Variants in PPP2R2C observed in about 807,000 individuals in gnomAD.
PPP2R2C encodes the protein protein phosphatase 2 regulatory subunit Bgamma, also known as protein phosphatase 2, regulatory subunit B, gamma.
Under a neutral mutation model 45.3 loss-of-function variants are expected in PPP2R2C, and 10 were observed. The ratio of observed to expected loss-of-function variants is 0.22; its 90% confidence interval spans 0.14 to 0.37. PPP2R2C has a LOEUF of 0.37. Among genes scored for constraint, PPP2R2C ranks in the 10% least tolerant of loss-of-function variants. PPP2R2C has a pLI of 1.00. For synonymous variants in PPP2R2C, 257 were observed against 245.4 expected (o/e 1.05, Z -0.44); for missense variants, 308 against 619.7 (o/e 0.50, Z 5.34).
At chr4:6,373,479 A>T (rs1037453363) in intron 4 of PPP2R2C, among the ~76,000 whole-genome samples, 5 of 152,158 alleles carry the variant, frequency 3.3e-5, no homozygotes, top group African/African-American at 1.2e-4. Context: ...GCCCTGACCA[A>T]CCCTGAGGCT....
chr4:6,376,227 C>T (rs1222304576), intron 3 of PPP2R2C, among the ~76,000 whole-genome samples: 1 of 152,184 alleles, frequency 6.6e-6, no homozygotes, highest in African/African-American at 2.4e-5. Flanking sequence ...AGAACCCTGA[C>T]TACTACAGGA....
At chr4:6,562,302 GT>G (rs1725602534) in intron 1 of PPP2R2C, among the ~76,000 whole-genome samples, 1 of 152,150 alleles carries the variant, frequency 6.6e-6, no homozygotes, top group Admixed American at 6.5e-5. Context: ...CAGTGTCCCT[GT>G]GATGTCTTCC....
chr4:6,379,928 T>G, intron 2 of PPP2R2C: 1 of 151,860 alleles, frequency 6.6e-6, no homozygotes, highest in East Asian at 1.9e-4. Context: ...ATTCCGCAGG[T>G]CCTCTCTTCA....
chr4:6,398,741 C>T (rs1056628168), intron 1 of PPP2R2C, among the ~76,000 whole-genome samples: 2 of 152,180 alleles, frequency 1.3e-5, no homozygotes, highest in African/African-American at 2.4e-5. Context: ...ACCAACCATC[C>T]TTGTAACCAA....
chr4:6,337,112 G>GTGTGTGTATATA (rs1202845732), intron 6 of PPP2R2C, among the ~76,000 whole-genome samples: 5 of 30,100 alleles, frequency 1.7e-4, no homozygotes, highest in African/African-American at 5.1e-4. Context: ...ATGTGTGTGT[G>GTGTGTGTATATA]TATATATATA....
At position 6,343,345 on chromosome 4, in the gene PPP2R2C, C is replaced by T. The variant is rs146012611; in HGVS notation, c.790+4501G>A. ...TTGCTGGCACGAAAGAGAAAGTTTC[C>T]GTACAGGATATTGAGTTTGATAATG... On this transcript the variant is annotated intron_variant, in intron 6 of 8. Coordinates refer to ENST00000382599, the MANE Select transcript of PPP2R2C (RefSeq NM_020416.4). 2.8e-3 allele frequency among the ~76,000 whole-genome samples: 420 copies of T among 152,184 alleles called. 2 individuals are homozygous for T. The highest frequency in any genetic ancestry group is 9.7e-3 in the African/African-American group (401 of 41,498).
chr4:6,442,603 C>T (rs1020454314), intron 1 of PPP2R2C, among the ~76,000 whole-genome samples: 2 of 152,172 alleles, frequency 1.3e-5, no homozygotes, highest in Non-Finnish European at 2.9e-5. Flanking sequence ...ATCACAGGCA[C>T]CAAGAGGAAC....
intron 1 of PPP2R2C, among the ~76,000 whole-genome samples, chr4:6,407,716 A>G (rs1451455624): frequency 3.9e-5 from 6 of 152,216 alleles, no homozygotes; most frequent in Non-Finnish European, 8.8e-5. Context: ...CCCAACATTT[A>G]GAAGTCAAAT....
intron 1 of PPP2R2C, among the ~76,000 whole-genome samples, chr4:6,442,178 G>A (rs1461550846): frequency 6.6e-6 from 1 of 152,236 alleles, no homozygotes; most frequent in East Asian, 1.9e-4. Flanking sequence ...CCACCAGACT[G>A]TGTCCAATGT....
intron 1 of PPP2R2C, among the ~76,000 whole-genome samples, chr4:6,391,516 AGAT>A (rs761541942): frequency 1.6e-4 from 25 of 152,382 alleles, no homozygotes; most frequent in Non-Finnish European, 3.1e-4. Flanking sequence ...CAGAGCCGGC[AGAT>A]GATGAGTTAC....
intron 1 of PPP2R2C, among the ~76,000 whole-genome samples, chr4:6,546,758 C>A (rs1045054265): frequency 2.6e-5 from 4 of 152,242 alleles, no homozygotes; most frequent in African/African-American, 4.8e-5. Context: ...GCTCCACCCG[C>A]TGTCAGAATT....
intron 1 of PPP2R2C, among the ~76,000 whole-genome samples, chr4:6,431,588 GC>G (rs961949008): frequency 6.6e-6 from 1 of 152,122 alleles, no homozygotes; most frequent in African/African-American, 2.4e-5. Flanking sequence ...TCGGTCCAGA[GC>G]CCCCCCTTCC....
At chr4:6,411,125 C>T (rs10804980) in intron 1 of PPP2R2C, among the ~76,000 whole-genome samples, 78,382 of 151,776 alleles carry the variant, frequency 0.52, 21,093 homozygotes, top group East Asian at 0.81. Context: ...CCCACCTCAG[C>T]CTCCCAAAGG....
At chr4:6,355,505 A>T (rs1038127657) in intron 5 of PPP2R2C, among the ~76,000 whole-genome samples, 1 of 150,802 alleles carries the variant, frequency 6.6e-6, no homozygotes, top group African/African-American at 2.5e-5. Context: ...GTACCCTAAA[A>T]CTTAAAGTAT....
intron 2 of PPP2R2C, among the ~76,000 whole-genome samples, chr4:6,518,879 C>T (rs1046251806): frequency 7.7e-6 from 1 of 130,008 alleles, no homozygotes; most frequent in African/African-American, 3.1e-5. Flanking sequence ...GACAAGATCA[C>T]ACCATTGCAC....
chr4:6,439,711 C>A (rs975751773), intron 1 of PPP2R2C, among the ~76,000 whole-genome samples: 1 of 152,198 alleles, frequency 6.6e-6, no homozygotes, highest in South Asian at 2.1e-4. Context: ...AAAGATCTAA[C>A]CACATCACAC....
At chr4:6,485,969 G>A (rs1017279823) in intron 2 of PPP2R2C, among the ~76,000 whole-genome samples, 3 of 151,618 alleles carry the variant, frequency 2.0e-5, no homozygotes, top group Non-Finnish European at 3.0e-5. Flanking sequence ...GTTTCTTAAG[G>A]TGGAACTCAA....
intron 2 of PPP2R2C, among the ~76,000 whole-genome samples, chr4:6,529,609 C>G (rs959344336): frequency 2.6e-5 from 4 of 152,240 alleles, no homozygotes; most frequent in Non-Finnish European, 5.9e-5. Context: ...GCTCCACTGA[C>G]TCCAAAGCCC....
chr4:6,420,875 G>A (rs771539068), intron 1 of PPP2R2C: 2 of 928,556 alleles, frequency 2.2e-6, no homozygotes, highest in Non-Finnish European at 2.6e-6. Context: ...ACACTTGTTG[G>A]ATGTTACTGA....
Sources: gnomAD v4.1 joint callset for allele counts (sites outside exome capture counted in the v4.1 genomes callset) on GRCh38, gnomAD v4.1.1 for gene constraint, MANE v1.5 for transcripts, NCBI Gene and HGNC (gene_info 2026-07-23, HGNC 2026-07-21) for gene names.